The following CDH8 variants were observed in gnomAD, a reference collection of about 807,000 sequenced individuals.
CDH8 encodes the protein cadherin-8.
Under a neutral mutation model 68.1 loss-of-function variants are expected in CDH8, and 17 were observed. The observed-to-expected ratio is 0.25, with a 90% CI of 0.17 to 0.37. CDH8 has a LOEUF of 0.37. CDH8 is among the 10% of genes least tolerant of loss of function. CDH8 has a pLI of 1.00. For missense variants in CDH8, 763 were observed against 999.3 expected, an observed-to-expected ratio of 0.76 and a Z score of 3.19; for synonymous variants, 372 against 365.1, an observed-to-expected ratio of 1.02 and a Z score of -0.21.
intron 8 of CDH8, among the ~76,000 whole-genome samples, chr16:61,750,580 T>C (rs1014722290): frequency 6.6e-6 from 1 of 152,082 alleles, no homozygotes; most frequent in Non-Finnish European, 1.5e-5. Context: ...CAAATTTCTG[T>C]TTTTCCTATA....
intron 8 of CDH8, among the ~76,000 whole-genome samples, chr16:61,761,612 A>G (rs1469045777): frequency 6.6e-6 from 1 of 152,190 alleles, no homozygotes; most frequent in Non-Finnish European, 1.5e-5. Context: ...ACTAAAACAA[A>G]TAAGAATACA....
intron 3 of CDH8, among the ~76,000 whole-genome samples, chr16:61,869,833 G>C (rs1393050060): frequency 2.6e-5 from 4 of 152,134 alleles, no homozygotes; most frequent in Non-Finnish European, 5.9e-5. Flanking sequence ...CTCAAGTAAT[G>C]AAGTCCTGCA....
At chr16:61,709,144 T>C (rs1041214402) in intron 10 of CDH8, among the ~76,000 whole-genome samples, 22 of 152,048 alleles carry the variant, frequency 1.4e-4, no homozygotes, top group African/African-American at 5.3e-4. Flanking sequence ...GAACAAGAGA[T>C]GTTTCTTTTA....
At chr16:61,837,370 C>A (rs1962590218) in intron 4 of CDH8, among the ~76,000 whole-genome samples, 1 of 152,070 alleles carries the variant, frequency 6.6e-6, no homozygotes, top group East Asian at 1.9e-4. Context: ...AGCTCCCATT[C>A]ATACACCTAA....
At chr16:62,016,836 G>A (rs768855255) in intron 2 of CDH8, among the ~76,000 whole-genome samples, 76 of 152,176 alleles carry the variant, frequency 5.0e-4, no homozygotes, top group Admixed American at 1.7e-3. Context: ...GGAAGACAAC[G>A]TCTTGCTTTA....
chr16:61,834,848 G>C (rs10500457), intron 4 of CDH8, among the ~76,000 whole-genome samples: 9,026 of 151,856 alleles, frequency 0.059, 643 homozygotes, highest in East Asian at 0.23. Flanking sequence ...ATGAATATTG[G>C]GAATTCAGAA....
At chr16:61,780,196 A>C (rs1961012621) in intron 8 of CDH8, among the ~76,000 whole-genome samples, 1 of 152,208 alleles carries the variant, frequency 6.6e-6, no homozygotes, top group African/African-American at 2.4e-5. Context: ...AATCTTCATC[A>C]TCATGGTAAA....
At chr16:61,870,322 G>A (rs16964022) in intron 3 of CDH8, among the ~76,000 whole-genome samples, 3,765 of 152,168 alleles carry the variant, frequency 0.025, 156 homozygotes, top group African/African-American at 0.086. Context: ...TTCGCCAGGC[G>A]GAAAGAAAAA....
chr16:62,029,449 CT>C (rs1239581640), intron 1 of CDH8, among the ~76,000 whole-genome samples: 1 of 152,106 alleles, frequency 6.6e-6, no homozygotes. Context: ...ATAGCTTTCC[CT>C]CTCCACAACT....
At chr16:61,760,595 G>A (rs977668451) in intron 8 of CDH8, among the ~76,000 whole-genome samples, 3 of 152,076 alleles carry the variant, frequency 2.0e-5, no homozygotes, top group Non-Finnish European at 2.9e-5. Flanking sequence ...TTACAGGCAT[G>A]AGCCACCGCA....
At chr16:61,947,158 CT>C (rs1030171668) in intron 2 of CDH8, among the ~76,000 whole-genome samples, 8 of 121,178 alleles carry the variant, frequency 6.6e-5, no homozygotes, top group African/African-American at 2.0e-4. Flanking sequence ...TTATTTAATT[CT>C]ATACATGAAT....
At chr16:61,734,615 G>C (rs1451747873) in intron 8 of CDH8, among the ~76,000 whole-genome samples, 1 of 151,876 alleles carries the variant, frequency 6.6e-6, no homozygotes, top group Non-Finnish European at 1.5e-5. Flanking sequence ...GTTAGAATCA[G>C]CAGCAATTAT....
chr16:61,913,427 G>C (rs1472217110), intron 2 of CDH8, among the ~76,000 whole-genome samples: 1 of 152,128 alleles, frequency 6.6e-6, no homozygotes, highest in Admixed American at 6.6e-5. Context: ...TCCTATGCCA[G>C]TGTTTATAAG....
intron 8 of CDH8, among the ~76,000 whole-genome samples, chr16:61,761,388 TTCTGGTTTTATAG>T (rs1363247783): frequency 6.6e-6 from 1 of 152,186 alleles, no homozygotes; most frequent in Non-Finnish European, 1.5e-5. Flanking sequence ...CCCAGAAGAT[TTCTGGTTTTATAG>T]TCTTTGATGA....
chr16:61,662,436 GA>G (rs1963586954), intron 10 of CDH8, among the ~76,000 whole-genome samples: 3 of 151,396 alleles, frequency 2.0e-5, no homozygotes, highest in African/African-American at 7.3e-5. Flanking sequence ...AAAAATATAT[GA>G]AAAAAGAGAG....
intron 7 of CDH8, among the ~76,000 whole-genome samples, chr16:61,812,037 TC>T (rs1961961625): frequency 6.6e-6 from 1 of 152,058 alleles, no homozygotes. Flanking sequence ...AGATAGTGGA[TC>T]CCTTATTAAG....
At chr16:61,681,537 C>A in intron 10 of CDH8, among the ~76,000 whole-genome samples, 1 of 149,938 alleles carries the variant, frequency 6.7e-6, no homozygotes, top group Non-Finnish European at 1.5e-5. Flanking sequence ...CAGAAAGTGA[C>A]TGAAAATGAG....
intron 3 of CDH8, among the ~76,000 whole-genome samples, chr16:61,885,478 C>T (rs1298821066): frequency 6.6e-6 from 1 of 152,176 alleles, no homozygotes; most frequent in Non-Finnish European, 1.5e-5. Flanking sequence ...GTCTCACTTG[C>T]TTCGCTGACA....
intron 2 of CDH8, among the ~76,000 whole-genome samples, chr16:61,920,237 G>A (rs1298931293): frequency 1.5e-5 from 2 of 135,926 alleles, no homozygotes; most frequent in African/African-American, 5.8e-5. Context: ...GGCAACAAAA[G>A]CCAAAATTGA....
Sources: allele counts gnomAD v4.1 joint callset (sites outside exome capture counted in the v4.1 genomes callset), GRCh38; gene constraint gnomAD v4.1.1; transcripts MANE v1.5; gene names NCBI Gene and HGNC (gene_info 2026-07-23, HGNC 2026-07-21).